Variants in CDH19 observed in about 807,000 individuals in gnomAD.
CDH19 encodes the protein cadherin-19.
A neutral mutation model predicts 64.2 loss-of-function variants in CDH19; 67 were observed. The observed-to-expected ratio is 1.04, with a 90% CI of 0.86 to 1.28. The LOEUF is 1.28. CDH19 is among the 50% of genes most tolerant of loss of function. The probability of loss-of-function intolerance (pLI) is 0.00; values close to 1 mark genes in which losing one functional copy is unlikely to be tolerated. For synonymous variants in CDH19, 346 were observed against 319.3 expected, an observed-to-expected ratio of 1.08 and a Z score of -0.89; for missense variants, 1,030 against 929.0, an observed-to-expected ratio of 1.11 and a Z score of -1.41.
At chr18:66,529,988 T>C (rs771760974) in intron 8 of CDH19, 22 bp from the exon 9 acceptor site, 2 of 1,249,152 alleles carry the variant, frequency 1.6e-6, no homozygotes, top group South Asian at 3.4e-5. Context: ...ATATATATAA[T>C]AAAAATCTAA....
chr18:66,573,977 A>G (rs755226926), intron 1 of CDH19, among the ~76,000 whole-genome samples: 29 of 151,662 alleles, frequency 1.9e-4, no homozygotes, highest in Non-Finnish European at 3.8e-4. Context: ...AAAGCTTAAA[A>G]TTAAGAAAAA....
chr18:66,551,030 T>G (rs1336093966), intron 5 of CDH19, 64 bp downstream of exon 5: 1 of 854,626 alleles, frequency 1.2e-6, no homozygotes, highest in Non-Finnish European at 1.8e-6. Flanking sequence ...AACTATATAA[T>G]CTACTTATAT....
chr18:66,533,396 G>C (rs1380454178), intron 8 of CDH19, among the ~76,000 whole-genome samples: 1 of 151,904 alleles, frequency 6.6e-6, no homozygotes, highest in Non-Finnish European at 1.5e-5. Context: ...AGAAAATTTA[G>C]GTTCGTATTT....
At chr18:66,523,580 GCCAGGTCTGGAGCACAGTGTTTA>G (rs1463523995) in intron 9 of CDH19, among the ~76,000 whole-genome samples, 5 of 150,300 alleles carry the variant, frequency 3.3e-5, no homozygotes, top group African/African-American at 1.2e-4. Context: ...TCACTGCGTT[GCCAGGTCTGGAGCACAGTGTTTA>G]CACTCGGTGG....
chr18:66,566,121 C>T (rs1013064138), intron 3 of CDH19, among the ~76,000 whole-genome samples: 3 of 151,844 alleles, frequency 2.0e-5, no homozygotes, highest in Non-Finnish European at 4.4e-5. Flanking sequence ...AGTATTGTAC[C>T]TCCTCTTCTC....
intron 11 of CDH19, among the ~76,000 whole-genome samples, chr18:66,505,912 A>G (rs984562482): frequency 1.3e-5 from 2 of 152,006 alleles, no homozygotes; most frequent in African/African-American, 2.4e-5. Context: ...ATTATAGATG[A>G]GAAAACTGAA....
intron 1 of CDH19, among the ~76,000 whole-genome samples, chr18:66,598,710 CA>C (rs890478449): frequency 5.9e-5 from 9 of 151,896 alleles, no homozygotes; most frequent in African/African-American, 1.9e-4. Flanking sequence ...GGGCGAGAAT[CA>C]AAAAACTATC....
chr18:66,568,618 T>A lies in CDH19; in HGVS notation c.288A>T (p.Thr96=), dbSNP rs746601574. 1 of 1,611,814 alleles carries A rather than the reference T, an allele frequency of 6.2e-7. No homozygotes were observed. The change falls in exon 3 of 12, where the codon ACA becomes ACT. Residue 96 remains threonine (T), a synonymous_variant. Coordinates refer to ENST00000262150, the MANE Select transcript of CDH19 (RefSeq NM_021153.4). ...GCTTCTGTATGGCATATATGTCACC[T>A]GTTCTTTCATCAATGATAAAAGTAC... ...AGSTFIIDER[T]GDIYAIQKLD...
chr18:66,555,715 T>C (rs574625748), intron 3 of CDH19, among the ~76,000 whole-genome samples: 2 of 151,846 alleles, frequency 1.3e-5, no homozygotes, highest in African/African-American at 2.4e-5. Context: ...AGTGAATTTA[T>C]TTAGTAATTT....
intron 9 of CDH19, among the ~76,000 whole-genome samples, chr18:66,529,615 A>G (rs547707953): frequency 1.3e-5 from 2 of 148,412 alleles, no homozygotes; most frequent in Admixed American, 6.7e-5. Flanking sequence ...AATAAGATGA[A>G]TGCATAACAA....
intron 7 of CDH19, among the ~76,000 whole-genome samples, chr18:66,539,780 C>CTT (rs35362590): frequency 1.9e-4 from 29 of 151,790 alleles, no homozygotes; most frequent in African/African-American, 7.0e-4. Context: ...TGGAACTGCT[C>CTT]TTTTTTTATG....
At chr18:66,512,485 A>C (rs942665694) in intron 9 of CDH19, among the ~76,000 whole-genome samples, 2 of 151,496 alleles carry the variant, frequency 1.3e-5, no homozygotes, top group Non-Finnish European at 3.0e-5. Flanking sequence ...TGCCTTTAAC[A>C]ATATGTCAAA....
rs1317948026 is a variant in CDH19, at chr18:66,509,041, CTT to C, written c.1780_1781del (p.Lys594AspfsTer35). The C allele has an allele frequency of 2.5e-6, 4 of 1,612,846 alleles. No homozygotes were observed. The highest frequency in any genetic ancestry group is 3.4e-6 in the Non-Finnish European group (4 of 1,179,254). On this transcript the variant is annotated frameshift_variant, in exon 11 of 12. Transcript: ENST00000262150. LOFTEE classifies it low-confidence loss of function (END_TRUNC). ...YQELVLSMGF[K>X]TEVIIAILIC... ...TGAGAATAGCAATGATGACTTCTGTCTTGAATCCCATGGAAAGCACAAGCTCC... is the reference window on the plus strand; with the variant it reads ...TGAGAATAGCAATGATGACTTCTGTCGAATCCCATGGAAAGCACAAGCTCC...
At chr18:66,587,118 C>T (rs1303474130) in intron 1 of CDH19, among the ~76,000 whole-genome samples, 2 of 151,992 alleles carry the variant, frequency 1.3e-5, no homozygotes, top group Non-Finnish European at 2.9e-5. Flanking sequence ...TATTTCATCC[C>T]AGCACTCTGA....
chr18:66,596,202 A>G (rs888486104), intron 1 of CDH19: 1 of 152,132 alleles, frequency 6.6e-6, no homozygotes, highest in Non-Finnish European at 1.5e-5. Flanking sequence ...CACAGCAAAC[A>G]TGATACTGAA....
In CDH19 at chr18:66,550,564, A is replaced by G. The variant is rs576761751; in HGVS notation, c.775+530T>C. On this transcript the variant is annotated intron_variant, in intron 5 of 11. Transcript: ENST00000262150. ...CAACTGGGTTCGGTCTAATTACATG[A>G]GTGCTTAAAAGTGGAAGAGGCAAAT... Among the ~76,000 whole-genome samples the G allele has an allele frequency of 2.0e-5, 3 of 152,180 alleles. No individual in the cohort carries two copies. The East Asian group carries it at 5.8e-4, about 29-fold the overall frequency.
At chr18:66,588,471 G>A (rs1389874190) in intron 1 of CDH19, among the ~76,000 whole-genome samples, 4 of 151,706 alleles carry the variant, frequency 2.6e-5, no homozygotes, top group Non-Finnish European at 5.9e-5. Context: ...GAACTTCATA[G>A]TGGCCAGAGG....
intron 9 of CDH19, among the ~76,000 whole-genome samples, chr18:66,529,451 C>T (rs1598984206): frequency 7.3e-5 from 11 of 150,780 alleles, no homozygotes; most frequent in Admixed American, 6.6e-4. Context: ...GAATCACTAT[C>T]GTTAGCAAAT....
At chr18:66,551,296 T>A in intron 4 of CDH19, 38 bp from the exon 5 acceptor site, 1 of 1,076,032 alleles carries the variant, frequency 9.3e-7, no homozygotes, top group Non-Finnish European at 1.4e-6. Flanking sequence ...ATTTCATTAT[T>A]AATCATGACA....
Sources: gnomAD v4.1 joint callset for allele counts (sites outside exome capture counted in the v4.1 genomes callset) on GRCh38, gnomAD v4.1.1 for gene constraint, MANE v1.5 for transcripts, NCBI Gene and HGNC (gene_info 2026-07-23, HGNC 2026-07-21) for gene names.